TNFSF4: variants seen among roughly 807,000 people sequenced by gnomAD.
The protein encoded by TNFSF4 is tumor necrosis factor ligand superfamily member 4.
In TNFSF4, 4 loss-of-function variants were observed where a neutral mutation model predicts 7.3. The observed-to-expected ratio is 0.55, with a 90% CI of 0.27 to 1.25. TNFSF4 has a LOEUF of 1.25. TNFSF4 is among the 50% of genes most tolerant of loss of function. TNFSF4 has a pLI of 0.12. For missense variants in TNFSF4, 181 were observed against 208.8 expected, an observed-to-expected ratio of 0.87 and a Z score of 0.82; for synonymous variants, 76 against 83.7, an observed-to-expected ratio of 0.91 and a Z score of 0.50.
chr1:173,306,530 A>G, the TNFSF4 span, among the ~76,000 whole-genome samples: 15 of 152,064 alleles, frequency 9.9e-5, no homozygotes, highest in Non-Finnish European at 1.9e-4. Flanking sequence ...GATATTCCAA[A>G]TGTCAGTTGT....
the TNFSF4 span, among the ~76,000 whole-genome samples, chr1:173,420,955 C>G: frequency 6.6e-6 from 1 of 152,032 alleles, no homozygotes; most frequent in African/African-American, 2.4e-5. Context: ...TAATAATATC[C>G]ATTTGTTTTT....
the TNFSF4 span, among the ~76,000 whole-genome samples, chr1:173,282,863 A>T: frequency 3.3e-5 from 5 of 152,178 alleles, no homozygotes; most frequent in African/African-American, 1.2e-4. Flanking sequence ...ATGATAAATG[A>T]CTGATGACAA....
chr1:173,362,664 G>A, the TNFSF4 span: 10 of 428,678 alleles, frequency 2.3e-5, no homozygotes, highest in Non-Finnish European at 4.1e-5. Flanking sequence ...TGTAAAGTCT[G>A]TAAGACTTCT....
chr1:173,357,972 C>T, the TNFSF4 span, among the ~76,000 whole-genome samples: 1 of 152,200 alleles, frequency 6.6e-6, no homozygotes, highest in African/African-American at 2.4e-5. Context: ...ATGTCCTAAT[C>T]CCCAGAACCT....
chr1:173,384,592 T>C, the TNFSF4 span, among the ~76,000 whole-genome samples: 1 of 152,168 alleles, frequency 6.6e-6, no homozygotes, highest in Non-Finnish European at 1.5e-5. Context: ...GCATATGCAG[T>C]GGTCTTCCCT....
At chr1:173,310,226 T>C in the TNFSF4 span, among the ~76,000 whole-genome samples, 1 of 151,990 alleles carries the variant, frequency 6.6e-6, no homozygotes, top group Non-Finnish European at 1.5e-5. Flanking sequence ...ATTCTTGAGA[T>C]AGATGACAAG....
intron 1 of TNFSF4, among the ~76,000 whole-genome samples, chr1:173,193,716 G>A (rs934305017): frequency 3.4e-5 from 5 of 148,012 alleles, no homozygotes; most frequent in African/African-American, 1.3e-4. Flanking sequence ...AGAAAAGGGA[G>A]AGCCCACACT....
At chr1:173,421,107 T>A in the TNFSF4 span, among the ~76,000 whole-genome samples, 1 of 152,092 alleles carries the variant, frequency 6.6e-6, no homozygotes, top group Non-Finnish European at 1.5e-5. Context: ...CCACTGCCCC[T>A]GCCCGCATTT....
At chr1:173,419,614 AAG>A in the TNFSF4 span, among the ~76,000 whole-genome samples, 3 of 152,110 alleles carry the variant, frequency 2.0e-5, no homozygotes, top group African/African-American at 7.2e-5. Flanking sequence ...GAGGTCACAG[AAG>A]AGAGAGGAGG....
the TNFSF4 span, among the ~76,000 whole-genome samples, chr1:173,256,625 G>T: frequency 6.6e-6 from 1 of 152,196 alleles, no homozygotes; most frequent in African/African-American, 2.4e-5. Flanking sequence ...ACAGCCTGAT[G>T]TAGATTCTGG....
chr1:173,296,699 G>A, the TNFSF4 span, among the ~76,000 whole-genome samples: 2 of 151,892 alleles, frequency 1.3e-5, no homozygotes, highest in African/African-American at 2.4e-5. Flanking sequence ...CTGTGTTAGT[G>A]GACATGGGTA....
the TNFSF4 span, among the ~76,000 whole-genome samples, chr1:173,295,991 G>GA: frequency 1.9e-4 from 29 of 152,004 alleles, 1 homozygote; most frequent in South Asian, 5.6e-3. Context: ...TTATTTGGGT[G>GA]AAAAAAATTG....
the TNFSF4 span, among the ~76,000 whole-genome samples, chr1:173,304,577 C>T: frequency 3.3e-5 from 5 of 151,976 alleles, no homozygotes; most frequent in African/African-American, 1.2e-4. Context: ...CAACTACAAA[C>T]TCTGACCCTT....
At chr1:173,234,445 G>A in the TNFSF4 span, among the ~76,000 whole-genome samples, 1 of 152,172 alleles carries the variant, frequency 6.6e-6, no homozygotes, top group Non-Finnish European at 1.5e-5. Flanking sequence ...CCATTACTGG[G>A]TATATACCCA....
the TNFSF4 span, among the ~76,000 whole-genome samples, chr1:173,342,921 T>C: frequency 6.6e-6 from 1 of 152,132 alleles, no homozygotes; most frequent in Non-Finnish European, 1.5e-5. Context: ...ATTACCACCA[T>C]CAACAAAACA....
chr1:173,267,151 A>C, the TNFSF4 span, among the ~76,000 whole-genome samples: 1 of 152,156 alleles, frequency 6.6e-6, no homozygotes, highest in Non-Finnish European at 1.5e-5. Context: ...TTAATCAACT[A>C]TTCTCCTTTA....
chr1:173,242,100 A>G, the TNFSF4 span, among the ~76,000 whole-genome samples: 1 of 152,280 alleles, frequency 6.6e-6, no homozygotes, highest in South Asian at 2.1e-4. Flanking sequence ...TACTTGCTTG[A>G]CTTGAAATAT....
chr1:173,312,921 T>A, the TNFSF4 span, among the ~76,000 whole-genome samples: 3 of 152,226 alleles, frequency 2.0e-5, no homozygotes, highest in South Asian at 4.1e-4. Flanking sequence ...TTCCTCCAGA[T>A]AAATACTAGC....
the TNFSF4 span, among the ~76,000 whole-genome samples, chr1:173,409,938 A>G: frequency 6.6e-6 from 1 of 152,184 alleles, no homozygotes; most frequent in East Asian, 1.9e-4. Context: ...TCTTTTCTGT[A>G]TACATATTAT....
Sources: allele counts gnomAD v4.1 joint callset (sites outside exome capture counted in the v4.1 genomes callset), GRCh38; gene constraint gnomAD v4.1.1; transcripts MANE v1.5; gene names NCBI Gene and HGNC (gene_info 2026-07-23, HGNC 2026-07-21).